DPYSL2: variants seen among roughly 807,000 people sequenced by gnomAD.
DPYSL2 encodes the protein dihydropyrimidinase-related protein 2.
Under a neutral mutation model 69.9 loss-of-function variants are expected in DPYSL2, and 13 were observed. The ratio of observed to expected loss-of-function variants is 0.19; its 90% CI spans 0.12 to 0.30. The LOEUF is 0.30. Ranked by LOEUF, DPYSL2 falls within the 10% of genes least tolerant of loss-of-function variation. The probability of loss-of-function intolerance (pLI) is 1.00; values close to 1 mark genes in which losing one functional copy is unlikely to be tolerated. For missense variants in DPYSL2, 587 were observed against 918.9 expected, an observed-to-expected ratio of 0.64 and a Z score of 4.67; for synonymous variants, 326 against 359.1, an observed-to-expected ratio of 0.91 and a Z score of 1.04.
In DPYSL2 at chr8:26,593,805, G is replaced by T. The variant is rs1211196413; in HGVS notation, c.628+9822G>T. Among the ~76,000 whole-genome samples, 1 of 152,164 alleles carries T rather than the reference G, an allele frequency of 6.6e-6. No homozygotes were observed. ...CAGCCTGTGGCCACCTGCTGTGCTGGTTTCCCTGAGAAAACCCTACTGTCT... is the reference window on the plus strand; with the variant it reads ...CAGCCTGTGGCCACCTGCTGTGCTGTTTTCCCTGAGAAAACCCTACTGTCT... On this transcript the variant is annotated intron_variant, in intron 3 of 13. Transcript: ENST00000521913. The surrounding 1 kb of genome is among the most constrained non-coding windows in gnomAD (Gnocchi z 5.7).
chr8:26,549,794 A>G (rs1419551824), intron 1 of DPYSL2, among the ~76,000 whole-genome samples: 3 of 152,230 alleles, frequency 2.0e-5, no homozygotes, highest in African/African-American at 2.4e-5. Context: ...AAAAACACCA[A>G]TGTAGAATTT....
Position 26,583,979 on chromosome 8 carries a change from G to A in DPYSL2, c.624G>A (p.Met208Ile), listed in dbSNP as rs747548263. 8.7e-6 allele frequency: 14 copies of A among 1,613,346 alleles called. No individual in the cohort carries two copies. The highest frequency in any genetic ancestry group is 1.7e-6 in the Non-Finnish European group (2 of 1,179,808). The change falls in exon 3 of 14, where the codon ATG (methionine) becomes ATA (isoleucine). Residue 208 changes from methionine to isoleucine, a missense_variant. Physicochemically the swap from Met to Ile is conservative, Grantham distance 10 (BLOSUM62 1). Around this residue, in one of 3 missense-constraint regions of DPYSL2, gnomAD observed 452 missense variants for 754.3 expected, o/e 0.60. Coordinates refer to ENST00000521913, the MANE Select transcript of DPYSL2 (RefSeq NM_001197293.3). ...CGGCCCTGGCTGGGGGAACCACTAT[G>A]ATCAGTAAGAAGCTTAAAAATCATC... ...TKAALAGGTT[M>I]IIDHVVPEPG...
chr8:26,627,379 T>A lies in DPYSL2; in HGVS notation c.936+84T>A. 1 of 1,419,812 alleles carries A rather than the reference T, an allele frequency of 7.0e-7. No homozygotes were observed. The highest frequency in any genetic ancestry group is 9.9e-7 in the Non-Finnish European group (1 of 1,009,228). The allele number at this position is 1,419,812 out of a possible 1,614,324, so 88.0% of individuals were successfully genotyped here. A position where few individuals can be genotyped will look rare whatever the true frequency, so the allele number is the denominator to read the frequency against. On this transcript the variant is annotated intron_variant, in intron 6 of 13. Transcript: ENST00000521913. The surrounding 1 kb of genome is among the most constrained non-coding windows in gnomAD (Gnocchi z 6.9). ...AGAAAGGGAAGCTGCATCTGTAGCT[T>A]AACACCAAGGTGGAAAAGCAGAGGG...
chr8:26,538,066 TG>T (rs1295579111), intron 1 of DPYSL2, among the ~76,000 whole-genome samples: 1 of 152,220 alleles, frequency 6.6e-6, no homozygotes, highest in Non-Finnish European at 1.5e-5. Flanking sequence ...CTGGATCTTC[TG>T]GGAGAATCCT....
chr8:26,577,022 C>G, intron 1 of DPYSL2: 1 of 341,248 alleles, frequency 2.9e-6, no homozygotes, highest in Non-Finnish European at 5.9e-6. Flanking sequence ...CGGCTGCTCC[C>G]CATTCCTCCG....
chr8:26,547,028 C>T (rs1455846515), intron 1 of DPYSL2, among the ~76,000 whole-genome samples: 1 of 150,240 alleles, frequency 6.7e-6, no homozygotes. Context: ...AGGCAAGACA[C>T]TTCACCTGCA....
At chr8:26,567,174 A>T (rs1026341793) in intron 1 of DPYSL2, among the ~76,000 whole-genome samples, 1 of 141,120 alleles carries the variant, frequency 7.1e-6, no homozygotes, top group African/African-American at 2.6e-5. Flanking sequence ...CCATCCATCC[A>T]TCCATCCACC....
intron 8 of DPYSL2, among the ~76,000 whole-genome samples, chr8:26,638,483 C>T (rs773937816): frequency 2.6e-5 from 4 of 152,154 alleles, no homozygotes; most frequent in Non-Finnish European, 5.9e-5. Flanking sequence ...TGAGGTGAAA[C>T]GAATGAGAAC....
intron 1 of DPYSL2, chr8:26,577,486 G>C (rs1243842289): frequency 6.7e-6 from 1 of 149,032 alleles, no homozygotes; most frequent in African/African-American, 2.4e-5. Context: ...GCTCGGCGCA[G>C]TCACCCCACG....
At chr8:26,577,127 G>T (rs1170712850) in intron 1 of DPYSL2, 14 of 443,322 alleles carry the variant, frequency 3.2e-5, no homozygotes, top group Non-Finnish European at 6.3e-5. Flanking sequence ...CTCCTTCCCG[G>T]CTCGGAGTTG....
At chr8:26,575,122 C>T (rs1801305714) in intron 1 of DPYSL2, among the ~76,000 whole-genome samples, 1 of 152,128 alleles carries the variant, frequency 6.6e-6, no homozygotes, top group Non-Finnish European at 1.5e-5. Flanking sequence ...TTAGTGCAGA[C>T]GGGGTTTCAC....
intron 1 of DPYSL2, among the ~76,000 whole-genome samples, chr8:26,534,915 G>A (rs888201496): frequency 6.6e-6 from 1 of 152,154 alleles, no homozygotes; most frequent in Non-Finnish European, 1.5e-5. Context: ...TTATAGGCAT[G>A]AGCCACCACA....
intron 1 of DPYSL2, among the ~76,000 whole-genome samples, chr8:26,572,422 A>G (rs1801252433): frequency 6.6e-6 from 1 of 152,154 alleles, no homozygotes; most frequent in African/African-American, 2.4e-5. Flanking sequence ...GCCTCCACTC[A>G]TACCTCCCTC....
In DPYSL2 at chr8:26,514,504, G is replaced by A. The variant is rs1420794785; in HGVS notation, c.179G>A (p.Gly60Asp). 5 of 1,529,562 alleles carry A rather than the reference G, an allele frequency of 3.3e-6. No individual in the cohort carries two copies. The highest frequency in any genetic ancestry group is 2.4e-5 in the South Asian group (2 of 82,668). 94.7% of individuals were successfully genotyped at this position (1,529,562 alleles called of 1,614,324 possible). A position where few individuals can be genotyped will look rare whatever the true frequency, so the allele number is the denominator to read the frequency against. ...IDFDSLSVGR[G>D]SGQVVAQQRD... is the part of the protein sequence containing the mutation. ...TTCGACTCGCTGTCGGTGGGCCGGGGCTCGGGGCAGGTGGTGGCTCAGCAG... is the reference window on the plus strand; with the variant it reads ...TTCGACTCGCTGTCGGTGGGCCGGGACTCGGGGCAGGTGGTGGCTCAGCAG... The change falls in exon 1 of 14, where the codon GGC (glycine) becomes GAC (aspartate). Residue 60 changes from glycine (G) to aspartate (D), a missense_variant. By Grantham distance (94) the Gly-to-Asp change is moderately conservative. Coordinates refer to ENST00000521913, the MANE Select transcript of DPYSL2 (RefSeq NM_001197293.3). This position sits in a 1 kb window ranked among gnomAD's most constrained non-coding sequence, Gnocchi z 8.4.
intron 3 of DPYSL2, among the ~76,000 whole-genome samples, chr8:26,618,086 T>C (rs1348263130): frequency 2.0e-5 from 3 of 152,150 alleles, no homozygotes; most frequent in Non-Finnish European, 4.4e-5. Flanking sequence ...GGAATAGTCC[T>C]TTTTCAGAGA....
rs1199068645 is a variant in DPYSL2 at position 26,591,287 on chromosome 8, G to T, written c.628+7304G>T. On this transcript the variant is annotated intron_variant, in intron 3 of 13. Transcript: ENST00000521913. The surrounding 1 kb of genome is among the most constrained non-coding windows in gnomAD (Gnocchi z 5.8). ...CAGCTGGAACCGGGAGTGGAGGTGG[G>T]GCCCATGGGAATGCTAGGCTCCAGC... is the stretch of plus-strand genomic sequence containing the variant. 2.6e-5 allele frequency among the ~76,000 whole-genome samples: 4 copies of T among 152,200 alleles called. No individual in the cohort carries two copies. The highest frequency in any genetic ancestry group is 5.9e-5 in the Non-Finnish European group (4 of 68,032).
At chr8:26,576,931 C>A (rs977529332) in intron 1 of DPYSL2, 1 of 286,506 alleles carries the variant, frequency 3.5e-6, no homozygotes, top group Non-Finnish European at 6.9e-6. Context: ...CCCCCACGCA[C>A]CCCTCAGGGA....
Position 26,595,983 on chromosome 8 carries a change from T to C in DPYSL2, c.628+12000T>C, listed in dbSNP as rs146934809. 2.6e-5 allele frequency among the ~76,000 whole-genome samples: 4 copies of C among 152,134 alleles called. No homozygotes were observed. In the East Asian group the frequency reaches 7.8e-4, roughly 30 times the overall value. On this transcript the variant is annotated intron_variant, in intron 3 of 13. Transcript: ENST00000521913. ...TTGTTTTTTTTTTAATTACTGTTAT[T>C]TATTTATTTAGTACCTTAGCTCATT...
Position 26,624,976 on chromosome 8 carries a change from G to A in DPYSL2, c.793+669G>A, listed in dbSNP as rs970055880. On this transcript the variant is annotated intron_variant, in intron 4 of 13. Coordinates refer to ENST00000521913, the MANE Select transcript of DPYSL2 (RefSeq NM_001197293.3). This position sits in a 1 kb window ranked among gnomAD's most constrained non-coding sequence, Gnocchi z 4.7. ...CTGGGTCTCGCTGGGCTTGGCTAGAGACCAGATTAACTTCACTGGATCTTA... is the reference window on the plus strand; with the variant it reads ...CTGGGTCTCGCTGGGCTTGGCTAGAAACCAGATTAACTTCACTGGATCTTA... Among the ~76,000 whole-genome samples, 2 of 152,166 alleles carry A rather than the reference G, an allele frequency of 1.3e-5. No individual in the cohort carries two copies. The highest frequency in any genetic ancestry group is 4.8e-5 in the African/African-American group (2 of 41,442).
Sources: gnomAD v4.1 joint callset for allele counts (sites outside exome capture counted in the v4.1 genomes callset) on GRCh38, gnomAD v4.1.1 for gene constraint, gnomAD v4.1.1 regional missense constraint, Gnocchi (gnomAD v3.1) non-coding constraint, MANE v1.5 for transcripts, NCBI Gene and HGNC (gene_info 2026-07-23, HGNC 2026-07-21) for gene names.